Variants in DDX60L observed in about 807,000 individuals in gnomAD.
DDX60L encodes probable ATP-dependent RNA helicase DDX60-like.
Under a neutral mutation model 211.6 loss-of-function variants are expected in DDX60L, and 191 were observed. The observed-to-expected ratio is 0.90, with a 90% CI of 0.80 to 1.02. DDX60L has a LOEUF of 1.02. Ranked by LOEUF, DDX60L falls within the 50% of genes least tolerant of loss-of-function variation. DDX60L has a pLI of 0.00. For synonymous variants in DDX60L, 706 were observed against 694.1 expected (o/e 1.02, Z -0.27); for missense variants, 2,007 against 1,984.1 (o/e 1.01, Z -0.22).
At chr4:168,390,663 G>A (rs1744644436) in intron 29 of DDX60L, 2 of 436,380 alleles carry the variant, frequency 4.6e-6, no homozygotes, top group African/African-American at 2.1e-5. Flanking sequence ...AGTGTATAGA[G>A]AGGAGGTGAT....
At chr4:168,472,598 G>A in intron 2 of DDX60L, 74 bp from the exon 3 acceptor site, 1 of 1,577,530 alleles carries the variant, frequency 6.3e-7, no homozygotes, top group Non-Finnish European at 8.7e-7. Context: ...TTAAGGAAAT[G>A]AAATATAGAC....
intron 29 of DDX60L, among the ~76,000 whole-genome samples, chr4:168,386,048 C>G (rs1015931184): frequency 6.6e-6 from 1 of 151,936 alleles, no homozygotes; most frequent in South Asian, 2.1e-4. Context: ...TAGAGAGTGT[C>G]TTGAATAGGG....
At chr4:168,435,805 G>T (rs1242773379) in intron 10 of DDX60L, among the ~76,000 whole-genome samples, 2 of 152,094 alleles carry the variant, frequency 1.3e-5, no homozygotes, top group African/African-American at 4.8e-5. Context: ...ATATTACGCT[G>T]CTCGGATCTA....
intron 1 of DDX60L, among the ~76,000 whole-genome samples, chr4:168,473,155 A>G (rs1759032506): frequency 6.6e-6 from 1 of 152,204 alleles, no homozygotes; most frequent in Non-Finnish European, 1.5e-5. Context: ...TCAGAAAAGA[A>G]GTTAGTGCGG....
chr4:168,378,812 T>C (rs77251480), intron 32 of DDX60L, among the ~76,000 whole-genome samples: 2,391 of 152,246 alleles, frequency 0.016, 19 homozygotes, highest in Non-Finnish European at 0.026. Flanking sequence ...AATATAAACA[T>C]ATCCCTCCTT....
chr4:168,361,397 A>G, intron 36 of DDX60L, 186 bp from the exon 37 acceptor site: 1 of 481,356 alleles, frequency 2.1e-6, no homozygotes, highest in Middle Eastern at 5.6e-4. Context: ...AAAAAAAATT[A>G]TTAAAGAGAT....
intron 13 of DDX60L, among the ~76,000 whole-genome samples, chr4:168,428,524 T>G (rs2634976): frequency 6.6e-6 from 1 of 152,210 alleles, no homozygotes; most frequent in African/African-American, 2.4e-5. Flanking sequence ...TGTGGGGCTT[T>G]TATGTTTCAT....
chr4:168,443,281 T>C (rs1390867289), intron 9 of DDX60L, among the ~76,000 whole-genome samples: 2 of 151,902 alleles, frequency 1.3e-5, no homozygotes, highest in African/African-American at 2.4e-5. Flanking sequence ...GTATCAGCAA[T>C]GGAAGATGAA....
intron 3 of DDX60L, 149 bp downstream of exon 3, chr4:168,472,306 A>G (rs746879771): frequency 1.2e-4 from 74 of 638,848 alleles, no homozygotes; most frequent in Admixed American, 1.9e-4. Flanking sequence ...TAAGACAACT[A>G]TAGGAAGAAG....
intron 24 of DDX60L, among the ~76,000 whole-genome samples, chr4:168,405,567 C>G (rs1747605690): frequency 6.6e-6 from 1 of 152,142 alleles, no homozygotes; most frequent in South Asian, 2.1e-4. Flanking sequence ...TTTATTTGCA[C>G]AAAACTTTCT....
intron 30 of DDX60L, among the ~76,000 whole-genome samples, chr4:168,383,374 AG>A (rs1200857407): frequency 6.6e-6 from 1 of 152,234 alleles, no homozygotes; most frequent in Non-Finnish European, 1.5e-5. Context: ...TGTCTGGGAC[AG>A]ACACACTTCC....
chr4:168,449,630 ATTAAAAC>A (rs1755397489), intron 8 of DDX60L, among the ~76,000 whole-genome samples: 1 of 7,268 alleles, frequency 1.4e-4, no homozygotes, highest in African/African-American at 1.1e-3. Context: ...AAAAAAAAAC[ATTAAAAC>A]AAAAAAAAAA....
chr4:168,411,241 C>A (rs1238177330), intron 22 of DDX60L, among the ~76,000 whole-genome samples: 1 of 152,164 alleles, frequency 6.6e-6, no homozygotes, highest in African/African-American at 2.4e-5. Flanking sequence ...ACAAAAGGCA[C>A]CTTTATAAGA....
intron 28 of DDX60L, among the ~76,000 whole-genome samples, chr4:168,393,864 T>C (rs939105695): frequency 2.0e-5 from 3 of 152,128 alleles, no homozygotes; most frequent in Non-Finnish European, 1.5e-5. Context: ...TAGGACAAAA[T>C]TGTAAGAACT....
chr4:168,419,758 A>C (rs1337803874), intron 18 of DDX60L, among the ~76,000 whole-genome samples: 1 of 152,232 alleles, frequency 6.6e-6, no homozygotes, highest in Non-Finnish European at 1.5e-5. Flanking sequence ...AATATCATTC[A>C]AAAGAACTAG....
chr4:168,456,836 T>C (rs1364458867), intron 6 of DDX60L, among the ~76,000 whole-genome samples: 6 of 152,148 alleles, frequency 3.9e-5, no homozygotes, highest in Non-Finnish European at 1.5e-5. Flanking sequence ...GAAAATATAA[T>C]GCACTCATTA....
At chr4:168,435,616 T>C (rs10866268) in intron 10 of DDX60L, among the ~76,000 whole-genome samples, 45,047 of 151,996 alleles carry the variant, frequency 0.3, 8,176 homozygotes, top group East Asian at 0.62. Context: ...GCAAATGCTT[T>C]TTTTCTCCAT....
chr4:168,367,875 C>T (rs1049467253), intron 36 of DDX60L, among the ~76,000 whole-genome samples: 4 of 152,108 alleles, frequency 2.6e-5, no homozygotes, highest in Admixed American at 6.5e-5. Context: ...GAACTTAGAA[C>T]TTGAGAGAGA....
At chr4:168,380,424 C>T (rs964350821) in intron 30 of DDX60L, 1 of 152,440 alleles carries the variant, frequency 6.6e-6, no homozygotes, top group African/African-American at 2.4e-5. Flanking sequence ...AAGTGTGTAG[C>T]ACCTCCCCTC....
Sources: allele counts gnomAD v4.1 joint callset (sites outside exome capture counted in the v4.1 genomes callset), GRCh38; gene constraint gnomAD v4.1.1; transcripts MANE v1.5; gene names NCBI Gene and HGNC (gene_info 2026-07-23, HGNC 2026-07-21).